STK3: variants seen among roughly 807,000 people sequenced by gnomAD.
The protein encoded by STK3 is serine/threonine kinase 3.
Under a neutral mutation model 58.0 loss-of-function variants are expected in STK3, and 41 were observed. The observed-to-expected ratio is 0.71, with a 90% CI of 0.55 to 0.92. STK3 has a LOEUF of 0.92. Ranked by LOEUF, STK3 falls within the 40% of genes least tolerant of loss-of-function variation. The probability of loss-of-function intolerance (pLI) is 0.00; values close to 1 mark genes in which losing one functional copy is unlikely to be tolerated. For missense variants in STK3, 479 were observed against 602.7 expected (o/e 0.79, Z 2.15); for synonymous variants, 170 against 191.0 (o/e 0.89, Z 0.91).
chr8:98,631,601 C>A (rs1468462655), intron 6 of STK3, among the ~76,000 whole-genome samples: 1 of 152,110 alleles, frequency 6.6e-6, no homozygotes, highest in African/African-American at 2.4e-5. Flanking sequence ...CATTCTGTAT[C>A]CCTCTTATCC....
chr8:98,901,324 T>G (rs927926383), intron 1 of STK3, among the ~76,000 whole-genome samples: 1 of 152,242 alleles, frequency 6.6e-6, no homozygotes, highest in African/African-American at 2.4e-5. Context: ...CAATAAGCTT[T>G]TATTAACTCT....
chr8:98,643,155 A>G (rs1251979585), intron 6 of STK3, among the ~76,000 whole-genome samples: 1 of 152,182 alleles, frequency 6.6e-6, no homozygotes, highest in Non-Finnish European at 1.5e-5. Context: ...TGAGCCTGGG[A>G]GATCAAGGCT....
intron 1 of STK3, among the ~76,000 whole-genome samples, chr8:98,382,064 C>A (rs1817737983): frequency 6.6e-6 from 1 of 152,190 alleles, no homozygotes; most frequent in Non-Finnish European, 1.5e-5. Context: ...GGAAGGACCT[C>A]CATCCTTTTC....
At chr8:98,609,736 G>A (rs1163100892) in intron 6 of STK3, among the ~76,000 whole-genome samples, 2 of 152,078 alleles carry the variant, frequency 1.3e-5, no homozygotes, top group East Asian at 1.9e-4. Flanking sequence ...TGACGCGGGT[G>A]GATCACGAGG....
rs1029855779 is a variant in STK3, at chr8:98,561,204, A to C, written c.949-13043T>G. Among the ~76,000 whole-genome samples, 4 of 152,010 alleles carry C rather than the reference A, an allele frequency of 2.6e-5. No individual in the cohort carries two copies. The South Asian group carries it at 6.2e-4, about 24-fold the overall frequency. On this transcript the variant is annotated intron_variant, in intron 8 of 10. Coordinates refer to ENST00000419617, the MANE Select transcript of STK3 (RefSeq NM_006281.4). ...AGAGCTCAGAAACAGACCTACACAA[A>C]TATAGTCAACAGATTTTTGAAAATG...
At chr8:98,608,266 A>G (rs1233974356) in intron 6 of STK3, among the ~76,000 whole-genome samples, 2 of 152,168 alleles carry the variant, frequency 1.3e-5, no homozygotes, top group Non-Finnish European at 2.9e-5. Flanking sequence ...ACCATCTTCT[A>G]TTAAGCTATC....
At chr8:98,920,405 C>T (rs1047377010) in intron 1 of STK3, among the ~76,000 whole-genome samples, 2 of 152,208 alleles carry the variant, frequency 1.3e-5, no homozygotes, top group Non-Finnish European at 2.9e-5. Context: ...AAAATAACAT[C>T]TCTGGCCTTT....
chr8:98,593,701 C>G (rs538581333), intron 7 of STK3, among the ~76,000 whole-genome samples: 1 of 152,290 alleles, frequency 6.6e-6, no homozygotes, highest in African/African-American at 2.4e-5. Context: ...AATCCTGAAA[C>G]AATCCCAACT....
In STK3 at chr8:98,639,046, G is replaced by C. The variant is rs898121948; in HGVS notation, c.685-42877C>G. ...TTCTAACAACTACGCATAAAGCTGT[G>C]AAAAGGCAATAGTTATACTAGTCTG... On this transcript the variant is annotated intron_variant, in intron 6 of 10. Coordinates refer to ENST00000419617, the MANE Select transcript of STK3 (RefSeq NM_006281.4). Among the ~76,000 whole-genome samples, 26 of 151,272 alleles carry C rather than the reference G, an allele frequency of 1.7e-4. No individual in the cohort carries two copies. In the South Asian group the frequency reaches 1.9e-3, roughly 11 times the overall value.
chr8:98,711,829 T>C (rs559644747), intron 4 of STK3, among the ~76,000 whole-genome samples: 1 of 152,232 alleles, frequency 6.6e-6, no homozygotes, highest in African/African-American at 2.4e-5. Flanking sequence ...AGACACATAA[T>C]TGTCAGATTC....
At chr8:98,584,045 T>C (rs1814199585) in intron 7 of STK3, among the ~76,000 whole-genome samples, 1 of 152,146 alleles carries the variant, frequency 6.6e-6, no homozygotes, top group Non-Finnish European at 1.5e-5. Flanking sequence ...AATGCAAACA[T>C]GTATCTCTGC....
At chr8:98,607,475 C>T (rs947483926) in intron 6 of STK3, among the ~76,000 whole-genome samples, 3 of 152,164 alleles carry the variant, frequency 2.0e-5, no homozygotes, top group African/African-American at 4.8e-5. Flanking sequence ...TTTTTTGAAT[C>T]TGTGAATTCA....
In STK3 at chr8:98,422,637, G is replaced by A. The variant is rs530534207; in HGVS notation, n.483+11490C>T. ...AAACCGTCTGGGAGTCTGGCATGGA[G>A]GGAGGCGACGACAAAGGCACTCAGC... On this transcript the variant is annotated intron_variant and non_coding_transcript_variant, in intron 3 of 3. Coordinates refer to the STK3 transcript ENST00000517832. Among the ~76,000 whole-genome samples the A allele has an allele frequency of 2.6e-5, 4 of 152,320 alleles. No homozygotes were observed. In the South Asian group the frequency reaches 8.3e-4, roughly 32 times the overall value.
At chr8:98,859,648 C>T (rs907795189) in intron 3 of STK3, among the ~76,000 whole-genome samples, 2 of 152,224 alleles carry the variant, frequency 1.3e-5, no homozygotes, top group African/African-American at 2.4e-5. Context: ...GCACATTTGG[C>T]TCCGAGACCC....
chr8:98,837,286 G>A (rs905148720), intron 3 of STK3, among the ~76,000 whole-genome samples: 1 of 147,988 alleles, frequency 6.8e-6, no homozygotes, highest in Admixed American at 6.9e-5. Flanking sequence ...ATTCAATTCT[G>A]TATGTAATAA....
At chr8:98,680,145 T>C (rs1359536156) in intron 6 of STK3, among the ~76,000 whole-genome samples, 1 of 152,200 alleles carries the variant, frequency 6.6e-6, no homozygotes, top group African/African-American at 2.4e-5. Flanking sequence ...ACTATGCACC[T>C]GAGTATCTGT....
At chr8:98,514,297 C>T (rs1021641430) in intron 10 of STK3, among the ~76,000 whole-genome samples, 2 of 152,016 alleles carry the variant, frequency 1.3e-5, no homozygotes, top group Non-Finnish European at 2.9e-5. Flanking sequence ...AAAGTTGTAG[C>T]ATTTGTCCAA....
chr8:98,590,345 G>A (rs1424256998), intron 7 of STK3, among the ~76,000 whole-genome samples: 1 of 152,276 alleles, frequency 6.6e-6, no homozygotes, highest in African/African-American at 2.4e-5. Context: ...GTTACCGAAA[G>A]CTCGGCGTCC....
chr8:98,550,385 C>T (rs535374387), intron 8 of STK3, among the ~76,000 whole-genome samples: 13 of 152,146 alleles, frequency 8.5e-5, no homozygotes, highest in South Asian at 2.1e-4. Flanking sequence ...TTACTTATTA[C>T]GTAAATACTT....
Sources: gnomAD v4.1 joint callset for allele counts (sites outside exome capture counted in the v4.1 genomes callset) on GRCh38, gnomAD v4.1.1 for gene constraint, MANE v1.5 for transcripts, NCBI Gene and HGNC (gene_info 2026-07-23, HGNC 2026-07-21) for gene names.